ZBTB38: variants seen among roughly 807,000 people sequenced by gnomAD.
ZBTB38 encodes the protein zinc finger and BTB domain containing 38.
A neutral mutation model predicts 76.8 loss-of-function variants in ZBTB38; 20 were observed. That is an observed-to-expected ratio of 0.26 (90% CI 0.18 to 0.38). The LOEUF is 0.38. Ranked by LOEUF, ZBTB38 falls within the 10% of genes least tolerant of loss-of-function variation. The pLI is 1.00. For synonymous variants in ZBTB38, 504 were observed against 544.2 expected, an observed-to-expected ratio of 0.93 and a Z score of 1.03; for missense variants, 1,082 against 1,482.3, an observed-to-expected ratio of 0.73 and a Z score of 4.43.
intron 5 of ZBTB38, among the ~76,000 whole-genome samples, chr3:141,419,449 G>A (rs2074855140): frequency 6.6e-6 from 1 of 152,186 alleles, no homozygotes; most frequent in African/African-American, 2.4e-5. Context: ...TGAGATGGTG[G>A]TTTATATTTG....
intron 1 of ZBTB38, among the ~76,000 whole-genome samples, chr3:141,336,005 T>C (rs1943006059): frequency 6.6e-6 from 1 of 152,226 alleles, no homozygotes; most frequent in African/African-American, 2.4e-5. Flanking sequence ...TCATTTTGCC[T>C]GTCATCACCT....
At chr3:141,349,154 A>G (rs996263952) in intron 1 of ZBTB38, among the ~76,000 whole-genome samples, 1 of 152,136 alleles carries the variant, frequency 6.6e-6, no homozygotes, top group African/African-American at 2.4e-5. Flanking sequence ...CTCCACTAAA[A>G]ATCTGACAGA....
chr3:141,379,118 G>A (rs1406054797), intron 2 of ZBTB38, among the ~76,000 whole-genome samples: 1 of 152,178 alleles, frequency 6.6e-6, no homozygotes, highest in Non-Finnish European at 1.5e-5. Flanking sequence ...AGAGTGAGAT[G>A]GCTGCCTTCT....
intron 4 of ZBTB38, chr3:141,403,269 C>T (rs1402600667): frequency 6.6e-6 from 1 of 152,164 alleles, no homozygotes; most frequent in East Asian, 1.9e-4. Context: ...AAAGACTTTT[C>T]TTCTGTGAAG....
intron 4 of ZBTB38, among the ~76,000 whole-genome samples, chr3:141,395,213 A>G (rs1950069561): frequency 6.6e-6 from 1 of 152,266 alleles, no homozygotes; most frequent in Non-Finnish European, 1.5e-5. Flanking sequence ...AAGGTAGCTT[A>G]GGCAGGAACA....
At chr3:141,412,356 T>C (rs1424087470) in intron 5 of ZBTB38, among the ~76,000 whole-genome samples, 1 of 152,184 alleles carries the variant, frequency 6.6e-6, no homozygotes, top group East Asian at 1.9e-4. Context: ...CCGGTGGCCA[T>C]TTTCTGCGAG....
intron 1 of ZBTB38, among the ~76,000 whole-genome samples, chr3:141,345,219 C>G (rs1252866075): frequency 6.6e-6 from 1 of 151,446 alleles, no homozygotes; most frequent in East Asian, 1.9e-4. Flanking sequence ...GGAAGAAGCT[C>G]TAGTGGTTTC....
At chr3:141,439,449 TTGTTC>T (rs1193522955) in intron 5 of ZBTB38, among the ~76,000 whole-genome samples, 1 of 152,244 alleles carries the variant, frequency 6.6e-6, no homozygotes, top group African/African-American at 2.4e-5. Flanking sequence ...ATTGTATATG[TTGTTC>T]TGTTAAGTAT....
chr3:141,334,636 G>A (rs1942963318), intron 1 of ZBTB38, among the ~76,000 whole-genome samples: 1 of 152,092 alleles, frequency 6.6e-6, no homozygotes. Flanking sequence ...ACATGGGGAT[G>A]AGATACTCTC....
chr3:141,375,245 G>C (rs1251491561), intron 2 of ZBTB38, among the ~76,000 whole-genome samples: 2 of 152,192 alleles, frequency 1.3e-5, no homozygotes, highest in East Asian at 3.8e-4. Context: ...TTGTACACAT[G>C]AAATCACTGA....
chr3:141,421,676 C>T (rs187793315), intron 5 of ZBTB38, among the ~76,000 whole-genome samples: 137 of 152,312 alleles, frequency 9.0e-4, no homozygotes, highest in Non-Finnish European at 1.7e-3. Flanking sequence ...CACACACTGG[C>T]TGGAGCCGTC....
intron 1 of ZBTB38, among the ~76,000 whole-genome samples, chr3:141,360,812 C>A (rs1943799833): frequency 6.6e-6 from 1 of 152,124 alleles, no homozygotes; most frequent in Admixed American, 6.5e-5. Context: ...GTATTACCCC[C>A]AAAATGACAA....
chr3:141,443,015 C>T lies in ZBTB38; in HGVS notation c.627C>T (p.Cys209=). The T allele has an allele frequency of 6.2e-7, 1 of 1,614,242 alleles. No individual in the cohort carries two copies. Among genetic ancestry groups the T allele is most frequent in the East Asian group, 2.2e-5 (1 of 44,888 alleles). Residue 209 remains cysteine (C), a synonymous_variant, in exon 6 of 6, where the codon TGC becomes TGT. Coordinates refer to ENST00000321464, the MANE Select transcript of ZBTB38 (RefSeq NM_001376113.1). This position sits in a 1 kb window ranked among gnomAD's most constrained non-coding sequence, Gnocchi z 5.6. The part of the protein sequence containing the change: ...ASLCLERTDV[C]HEAEPVRTLA... ...TTTGCCTGGAGAGGACGGACGTCTG[C>T]CACGAGGCAGAGCCTGTCCGCACAC...
At chr3:141,427,843 G>C (rs199799477) in intron 5 of ZBTB38, 1 of 152,418 alleles carries the variant, frequency 6.6e-6, no homozygotes, top group Non-Finnish European at 1.5e-5. Context: ...TCCTTGTGGT[G>C]GGGGAGGGGA....
At position 141,443,530 on chromosome 3, in the gene ZBTB38, C is replaced by A. The variant is rs973300872; in HGVS notation, c.1142C>A (p.Thr381Asn). 5.0e-6 allele frequency: 8 copies of A among 1,614,078 alleles called. No individual in the cohort carries two copies. Among genetic ancestry groups the A allele is most frequent in the Non-Finnish European group, 6.8e-6 (8 of 1,180,052 alleles). The change falls in exon 6 of 6, where the codon ACC becomes AAC. Residue 381 changes from threonine (T) to asparagine (N), a missense_variant. Physicochemically the swap from Thr to Asn is moderately conservative, Grantham distance 65 (BLOSUM62 0). Around this residue, in one of 8 missense-constraint regions of ZBTB38, gnomAD observed 324 missense variants for 359.1 expected, o/e 0.90. Transcript: ENST00000321464. The surrounding 1 kb of genome is among the most constrained non-coding windows in gnomAD (Gnocchi z 5.6). ...TGCAAGTATTGCAACAAACAATTCA[C>A]CACCCTGAACAGGTTGGATCGGCAT... ...LVCKYCNKQF[T>N]TLNRLDRHEQ...
rs1359449744 is a variant in ZBTB38, at chr3:141,444,550, G to A, written c.2162G>A (p.Ser721Asn). Residue 721 changes from serine to asparagine, a missense_variant, in exon 6 of 6, where the codon AGC becomes AAC. Ser to Asn is a conservative substitution (Grantham distance 46). Around this residue, in one of 8 missense-constraint regions of ZBTB38, gnomAD observed 471 missense variants for 581.0 expected, o/e 0.81. Transcript: ENST00000321464. The surrounding 1 kb of genome is among the most constrained non-coding windows in gnomAD (Gnocchi z 5.1). ...GSAPSVIVHS[S>N]QFSSVIMHSN... ...GCACCCTCGGTCATTGTACACAGCA[G>A]CCAGTTTTCATCGGTGATCATGCAC... 20 of 1,614,182 alleles carry A rather than the reference G, an allele frequency of 1.2e-5. No homozygotes were observed. The highest frequency in any genetic ancestry group is 1.5e-5 in the Non-Finnish European group (18 of 1,180,038).
intron 1 of ZBTB38, among the ~76,000 whole-genome samples, chr3:141,336,818 C>T (rs1490251906): frequency 6.6e-6 from 1 of 152,290 alleles, no homozygotes; most frequent in Non-Finnish European, 1.5e-5. Context: ...GCCAGTAGCC[C>T]CCAGGAGAAT....
At chr3:141,373,293 A>T (rs948063906) in intron 2 of ZBTB38, among the ~76,000 whole-genome samples, 3 of 152,202 alleles carry the variant, frequency 2.0e-5, no homozygotes, top group African/African-American at 7.2e-5. Flanking sequence ...TTAATTTCAC[A>T]TGGGAGTAAT....
chr3:141,368,774 G>A lies in ZBTB38; in HGVS notation c.-340G>A, dbSNP rs1240383725. The A allele has an allele frequency of 6.6e-6, 1 of 152,020 alleles. No individual in the cohort carries two copies. The highest frequency in any genetic ancestry group is 1.5e-5 in the Non-Finnish European group (1 of 68,004). The allele number at this position is 152,020 out of a possible 1,614,324, so 9.4% of individuals were successfully genotyped here. On this transcript the variant is annotated 5_prime_UTR_variant, in exon 1 of 6. Transcript: ENST00000321464. The stretch of plus-strand genomic sequence containing the variant: ...CTCCTGGGCCCAGGGAGTTGACAGC[G>A]TCTGGGTTTCAGAGGAGCCAGCGCC...
Sources: allele counts gnomAD v4.1 joint callset (sites outside exome capture counted in the v4.1 genomes callset), GRCh38; gene constraint gnomAD v4.1.1; regional missense constraint gnomAD v4.1.1; non-coding constraint Gnocchi (gnomAD v3.1); transcripts MANE v1.5; gene names NCBI Gene and HGNC (gene_info 2026-07-23, HGNC 2026-07-21).